The following ADORA2B variants were observed in gnomAD, a reference collection of about 807,000 sequenced individuals.
ADORA2B encodes adenosine A2b receptor, also known as adenosine receptor A2b.
Under a neutral mutation model 20.8 loss-of-function variants are expected in ADORA2B, and 18 were observed. That is an observed-to-expected ratio of 0.87 (90% CI 0.60 to 1.29). ADORA2B has a LOEUF of 1.29. Ranked by LOEUF, ADORA2B falls within the 50% of genes most tolerant of loss-of-function variation. ADORA2B has a pLI of 0.00. For missense variants in ADORA2B, 441 were observed against 422.7 expected, an observed-to-expected ratio of 1.04 and a Z score of -0.38; for synonymous variants, 179 against 178.3, an observed-to-expected ratio of 1.00 and a Z score of -0.03.
intron 1 of ADORA2B, among the ~76,000 whole-genome samples, chr17:15,946,040 G>C (rs1456868789): frequency 1.3e-5 from 2 of 152,142 alleles, no homozygotes; most frequent in East Asian, 3.9e-4. Context: ...GGCTCCCGGA[G>C]GCCCGGGAGG....
At chr17:15,923,206 A>ATTCTTTTTTTTTTTTT in the ADORA2B span, among the ~76,000 whole-genome samples, 11 of 113,520 alleles carry the variant, frequency 9.7e-5, no homozygotes, top group African/African-American at 4.0e-4. Flanking sequence ...TCTTTTTTTA[A>ATTCTTTTTTTTTTTTT]TTTTTTTTTT....
chr17:15,964,397 A>G (rs1031340995), intron 1 of ADORA2B, among the ~76,000 whole-genome samples: 1 of 151,610 alleles, frequency 6.6e-6, no homozygotes, highest in African/African-American at 2.4e-5. Flanking sequence ...ACCAGAGGTC[A>G]GGAGTTCGAG....
At chr17:15,965,908 T>C (rs1970109993) in intron 1 of ADORA2B, among the ~76,000 whole-genome samples, 1 of 152,182 alleles carries the variant, frequency 6.6e-6, no homozygotes, top group South Asian at 2.1e-4. Flanking sequence ...TGCCAGGCTT[T>C]CTATTTGACT....
chr17:15,967,977 G>A (rs1161113752), intron 1 of ADORA2B, among the ~76,000 whole-genome samples: 2 of 152,210 alleles, frequency 1.3e-5, no homozygotes, highest in Non-Finnish European at 2.9e-5. Flanking sequence ...GCCTCTCTGT[G>A]CGGCTCCTTC....
the ADORA2B span, chr17:15,864,155 A>G: frequency 5.9e-6 from 1 of 168,964 alleles, no homozygotes; most frequent in Non-Finnish European, 1.3e-5. Context: ...AGAAGGTTAC[A>G]TGGTAAGGGA....
At chr17:15,872,897 A>G in the ADORA2B span, among the ~76,000 whole-genome samples, 8 of 152,002 alleles carry the variant, frequency 5.3e-5, no homozygotes, top group Non-Finnish European at 1.2e-4. Flanking sequence ...CCCTTTATTT[A>G]TTTCTCTTGC....
chr17:15,968,067 T>C (rs1052612965), intron 1 of ADORA2B, among the ~76,000 whole-genome samples: 1 of 152,180 alleles, frequency 6.6e-6, no homozygotes, highest in Admixed American at 6.5e-5. Context: ...AATTTCTTTA[T>C]GGACAGCTCC....
At chr17:15,880,948 T>A in the ADORA2B span, among the ~76,000 whole-genome samples, 1 of 152,244 alleles carries the variant, frequency 6.6e-6, no homozygotes, top group Admixed American at 6.5e-5. Context: ...AACATTTTTT[T>A]AAATGATGCT....
At chr17:15,863,570 T>C in the ADORA2B span, among the ~76,000 whole-genome samples, 1 of 152,214 alleles carries the variant, frequency 6.6e-6, no homozygotes, top group African/African-American at 2.4e-5. Flanking sequence ...CTCAGGCTGG[T>C]TTCAAGCTCC....
chr17:15,939,576 A>G, the ADORA2B span, among the ~76,000 whole-genome samples: 33 of 152,230 alleles, frequency 2.2e-4, no homozygotes, highest in Non-Finnish European at 4.1e-4. Flanking sequence ...AAGAAGTTAC[A>G]TGGCCAGGTG....
At chr17:15,869,207 C>T in the ADORA2B span, among the ~76,000 whole-genome samples, 6 of 151,614 alleles carry the variant, frequency 4.0e-5, no homozygotes, top group East Asian at 7.8e-4. Flanking sequence ...GTAATCCCAG[C>T]TACTCGGGAG....
At chr17:15,907,407 T>C in the ADORA2B span, among the ~76,000 whole-genome samples, 1 of 152,198 alleles carries the variant, frequency 6.6e-6, no homozygotes, top group Non-Finnish European at 1.5e-5. Flanking sequence ...GTATCTCTGC[T>C]TCTGGCTTTA....
At chr17:15,919,947 C>A in the ADORA2B span, among the ~76,000 whole-genome samples, 2,382 of 152,280 alleles carry the variant, frequency 0.016, 65 homozygotes, top group African/African-American at 0.055. Context: ...AAGACAGTTT[C>A]AATTAGCGTC....
chr17:15,960,740 G>A (rs1458525569), intron 1 of ADORA2B, among the ~76,000 whole-genome samples: 1 of 151,246 alleles, frequency 6.6e-6, no homozygotes, highest in Non-Finnish European at 1.5e-5. Context: ...GCCGGGCATG[G>A]TGGTGGGTGC....
the ADORA2B span, among the ~76,000 whole-genome samples, chr17:15,865,653 C>G: frequency 6.6e-6 from 1 of 152,068 alleles, no homozygotes; most frequent in African/African-American, 2.4e-5. Flanking sequence ...TCCCACAGAC[C>G]TTTCCTACAA....
At chr17:15,967,957 A>G (rs1399744168) in intron 1 of ADORA2B, among the ~76,000 whole-genome samples, 3 of 152,320 alleles carry the variant, frequency 2.0e-5, no homozygotes, top group South Asian at 2.1e-4. Flanking sequence ...ATCTGTTCCA[A>G]TGCTTCTTGG....
the ADORA2B span, among the ~76,000 whole-genome samples, chr17:15,891,403 T>C: frequency 2.0e-5 from 3 of 152,266 alleles, no homozygotes; most frequent in Admixed American, 1.3e-4. Context: ...AACCCACTTA[T>C]GTGTGCGTTT....
At chr17:15,960,905 C>T (rs1438211412) in intron 1 of ADORA2B, among the ~76,000 whole-genome samples, 2 of 143,210 alleles carry the variant, frequency 1.4e-5, no homozygotes, top group African/African-American at 5.2e-5. Flanking sequence ...CAGTAGCTCA[C>T]GACTATAATC....
At chr17:15,879,795 C>T in the ADORA2B span, among the ~76,000 whole-genome samples, 14 of 150,266 alleles carry the variant, frequency 9.3e-5, no homozygotes, top group South Asian at 4.2e-4. Flanking sequence ...CCTCGGCCTC[C>T]CAAGGTGCTG....
Sources: allele counts gnomAD v4.1 joint callset (sites outside exome capture counted in the v4.1 genomes callset), GRCh38; gene constraint gnomAD v4.1.1; transcripts MANE v1.5; gene names NCBI Gene and HGNC (gene_info 2026-07-23, HGNC 2026-07-21).